The following SYT14 variants were observed in gnomAD, a reference collection of about 807,000 sequenced individuals.
SYT14 encodes synaptotagmin-14.
Under a neutral mutation model 74.2 loss-of-function variants are expected in SYT14, and 32 were observed. The ratio of observed to expected loss-of-function variants is 0.43; its 90% confidence interval spans 0.33 to 0.58. The LOEUF is 0.58. Ranked by LOEUF, SYT14 falls within the 20% of genes least tolerant of loss-of-function variation. The pLI, the probability that SYT14 is intolerant of heterozygous loss-of-function variation, is 0.05. For synonymous variants in SYT14, 298 were observed against 337.7 expected (o/e 0.88, Z 1.29); for missense variants, 791 against 981.8 (o/e 0.81, Z 2.60).
intron 7 of SYT14, among the ~76,000 whole-genome samples, chr1:210,125,036 G>A (rs1183737768): frequency 6.6e-6 from 1 of 152,038 alleles, no homozygotes; most frequent in Non-Finnish European, 1.5e-5. Flanking sequence ...TCAAACGAAA[G>A]ATGTTTTTCC....
intron 5 of SYT14, among the ~76,000 whole-genome samples, chr1:210,051,307 C>T (rs2080990870): frequency 6.6e-6 from 1 of 152,154 alleles, no homozygotes; most frequent in Non-Finnish European, 1.5e-5. Flanking sequence ...TAAGGTTGTA[C>T]AGTATACTGT....
At chr1:210,066,439 T>C (rs911688029) in intron 5 of SYT14, among the ~76,000 whole-genome samples, 2 of 152,240 alleles carry the variant, frequency 1.3e-5, no homozygotes, top group African/African-American at 4.8e-5. Flanking sequence ...TGAGATGCTA[T>C]CTCATTGTGG....
At chr1:209,940,900 T>A (rs992042813) in intron 1 of SYT14, among the ~76,000 whole-genome samples, 1 of 152,226 alleles carries the variant, frequency 6.6e-6, no homozygotes, top group Admixed American at 6.5e-5. Flanking sequence ...CTCCTTCACT[T>A]ATGTGTAATC....
At chr1:209,986,204 C>T (rs1396444216) in intron 2 of SYT14, among the ~76,000 whole-genome samples, 1 of 152,170 alleles carries the variant, frequency 6.6e-6, no homozygotes, top group Non-Finnish European at 1.5e-5. Flanking sequence ...GCTCTGCTTC[C>T]CTTTTAAATG....
intron 1 of SYT14, among the ~76,000 whole-genome samples, chr1:209,947,311 A>G (rs1457003475): frequency 6.6e-6 from 1 of 152,204 alleles, no homozygotes; most frequent in Non-Finnish European, 1.5e-5. Flanking sequence ...TGGCAAAGTA[A>G]ATTGAAAACT....
chr1:210,120,088 T>A (rs2082429182), intron 7 of SYT14, among the ~76,000 whole-genome samples: 3 of 152,320 alleles, frequency 2.0e-5, no homozygotes, highest in Middle Eastern at 3.4e-3. Context: ...CATGTCCTTT[T>A]TATAGTCAGT....
At chr1:210,085,321 G>A (rs1346148563) in intron 5 of SYT14, among the ~76,000 whole-genome samples, 1 of 152,072 alleles carries the variant, frequency 6.6e-6, no homozygotes, top group Non-Finnish European at 1.5e-5. Flanking sequence ...CATCATCTGA[G>A]ACTAATGACT....
chr1:210,081,687 A>G (rs2081618570), intron 5 of SYT14, among the ~76,000 whole-genome samples: 1 of 152,190 alleles, frequency 6.6e-6, no homozygotes, highest in Admixed American at 6.5e-5. Flanking sequence ...GTGGTTTTTA[A>G]TGTGATATAG....
At chr1:210,139,797 A>C (rs927506179) in intron 7 of SYT14, among the ~76,000 whole-genome samples, 1 of 152,138 alleles carries the variant, frequency 6.6e-6, no homozygotes, top group Non-Finnish European at 1.5e-5. Flanking sequence ...TTCATGTTTT[A>C]TCATGTATCC....
At chr1:210,156,535 C>G (rs538749627) in intron 8 of SYT14, among the ~76,000 whole-genome samples, 93 of 152,154 alleles carry the variant, frequency 6.1e-4, no homozygotes, top group Non-Finnish European at 1.2e-3. Context: ...TGACTATATG[C>G]GTGTTATGTC....
intron 5 of SYT14, among the ~76,000 whole-genome samples, chr1:210,085,115 T>C (rs963300457): frequency 6.6e-6 from 1 of 152,210 alleles, no homozygotes; most frequent in Non-Finnish European, 1.5e-5. Context: ...AACAATGTCA[T>C]TTCTTAGCAT....
chr1:210,043,144 G>C (rs1484469628), intron 5 of SYT14, among the ~76,000 whole-genome samples: 1 of 152,016 alleles, frequency 6.6e-6, no homozygotes, highest in Non-Finnish European at 1.5e-5. Flanking sequence ...TCATGATTTG[G>C]CTCTCTGCAG....
chr1:209,990,663 C>T (rs556987493), intron 2 of SYT14, among the ~76,000 whole-genome samples: 2 of 142,490 alleles, frequency 1.4e-5, no homozygotes, highest in Non-Finnish European at 3.1e-5. Flanking sequence ...TAGCAGTATG[C>T]CATTTACCCT....
intron 2 of SYT14, among the ~76,000 whole-genome samples, chr1:209,958,153 T>C (rs1411355865): frequency 6.6e-6 from 1 of 152,180 alleles, no homozygotes; most frequent in Non-Finnish European, 1.5e-5. Context: ...CCAGCACAAT[T>C]TACTAAGTAT....
chr1:209,995,572 C>A (rs1357457631), intron 2 of SYT14, among the ~76,000 whole-genome samples: 3 of 152,112 alleles, frequency 2.0e-5, no homozygotes, highest in Non-Finnish European at 4.4e-5. Flanking sequence ...AGTGTTAGAT[C>A]ATCAAGGCAG....
chr1:210,152,817 G>T (rs561442031), intron 7 of SYT14, among the ~76,000 whole-genome samples: 1 of 151,832 alleles, frequency 6.6e-6, no homozygotes, highest in Admixed American at 6.6e-5. Context: ...TAATACATCG[G>T]GAACATAATG....
intron 1 of SYT14, among the ~76,000 whole-genome samples, chr1:209,938,888 C>G (rs2102631740): frequency 6.6e-6 from 1 of 152,100 alleles, no homozygotes; most frequent in African/African-American, 2.4e-5. Context: ...TGGTTTTGTT[C>G]CCCGCCAACA....
At chr1:210,137,896 G>A (rs1026441410) in intron 7 of SYT14, among the ~76,000 whole-genome samples, 2 of 151,972 alleles carry the variant, frequency 1.3e-5, no homozygotes, top group African/African-American at 4.8e-5. Context: ...GGTCAAGCTG[G>A]TCTCAAACTC....
intron 7 of SYT14, among the ~76,000 whole-genome samples, chr1:210,103,830 A>T (rs1485226098): frequency 3.9e-5 from 6 of 152,174 alleles, no homozygotes; most frequent in African/African-American, 1.4e-4. Context: ...AGGAACAGAA[A>T]TTGGTGAATT....
Sources: allele counts gnomAD v4.1 joint callset (sites outside exome capture counted in the v4.1 genomes callset), GRCh38; gene constraint gnomAD v4.1.1; transcripts MANE v1.5; gene names NCBI Gene and HGNC (gene_info 2026-07-23, HGNC 2026-07-21).